BRD10: variants seen among roughly 807,000 people sequenced by gnomAD.
BRD10 encodes bromodomain containing 10.
chr9:6,008,297 C>A, the BRD10 span: 2 of 984,952 alleles, frequency 2.0e-6, no homozygotes, highest in Admixed American at 1.2e-4. Flanking sequence ...GGGACACGGG[C>A]AGAAGGAGGC....
the BRD10 span, chr9:5,920,522 T>C: frequency 3.0e-5 from 48 of 1,613,842 alleles, 1 homozygote; most frequent in Admixed American, 5.3e-4. Context: ...AGAAGCAAAA[T>C]TGGACGTATT....
At chr9:6,007,835 C>T in the BRD10 span, 6 of 1,395,984 alleles carry the variant, frequency 4.3e-6, no homozygotes, top group Non-Finnish European at 4.6e-6. Flanking sequence ...GCTCGAGGTG[C>T]TGGGGGACGC....
At chr9:5,961,049 T>G in the BRD10 span, among the ~76,000 whole-genome samples, 2 of 152,338 alleles carry the variant, frequency 1.3e-5, no homozygotes, top group African/African-American at 2.4e-5. Context: ...TAGTTACATC[T>G]AGGTGAACCA....
chr9:5,931,025 A>G, the BRD10 span, among the ~76,000 whole-genome samples: 1 of 152,218 alleles, frequency 6.6e-6, no homozygotes, highest in African/African-American at 2.4e-5. Context: ...AGTTAAAGAG[A>G]GAAGAAAGAG....
the BRD10 span, among the ~76,000 whole-genome samples, chr9:5,928,004 T>C: frequency 2.6e-5 from 4 of 152,186 alleles, no homozygotes; most frequent in Admixed American, 6.5e-5. Context: ...CTAAAGAGCA[T>C]ATCAAAGTTA....
the BRD10 span, among the ~76,000 whole-genome samples, chr9:5,932,247 A>C: frequency 6.6e-6 from 1 of 152,192 alleles, no homozygotes; most frequent in Non-Finnish European, 1.5e-5. Flanking sequence ...CTTTATTCAT[A>C]TACACGGACA....
chr9:5,976,370 A>C, the BRD10 span, among the ~76,000 whole-genome samples: 3 of 152,240 alleles, frequency 2.0e-5, no homozygotes. Context: ...TATTAACAAC[A>C]GGCAAAGTTT....
At chr9:5,988,237 CT>C in the BRD10 span, 2 of 741,150 alleles carry the variant, frequency 2.7e-6, no homozygotes, top group South Asian at 3.5e-5. Flanking sequence ...TGAATTCATA[CT>C]TTTGTAACAA....
chr9:5,957,443 C>T, the BRD10 span, among the ~76,000 whole-genome samples: 1 of 152,102 alleles, frequency 6.6e-6, no homozygotes, highest in Non-Finnish European at 1.5e-5. Context: ...TTAATCTTAA[C>T]AATACAGCCA....
At chr9:5,933,442 C>T in the BRD10 span, among the ~76,000 whole-genome samples, 2 of 152,118 alleles carry the variant, frequency 1.3e-5, no homozygotes, top group Admixed American at 6.6e-5. Flanking sequence ...TGAAGCTTAC[C>T]TTTCATGCTT....
At chr9:5,949,879 T>A in the BRD10 span, among the ~76,000 whole-genome samples, 1 of 152,174 alleles carries the variant, frequency 6.6e-6, no homozygotes, top group Non-Finnish European at 1.5e-5. Flanking sequence ...TGATATTCAC[T>A]TTTCAGTCTA....
At chr9:5,913,875 T>C in the BRD10 span, 43 of 305,726 alleles carry the variant, frequency 1.4e-4, no homozygotes, top group African/African-American at 9.2e-4. Context: ...AGCATCTTTG[T>C]AGTCTAAAAA....
At chr9:5,880,211 A>T in the BRD10 span, among the ~76,000 whole-genome samples, 2 of 150,928 alleles carry the variant, frequency 1.3e-5, no homozygotes, top group Non-Finnish European at 3.0e-5. Context: ...GAGCCATCAC[A>T]CCCCACCAGA....
At chr9:5,892,854 T>C in the BRD10 span, among the ~76,000 whole-genome samples, 1 of 152,148 alleles carries the variant, frequency 6.6e-6, no homozygotes, top group Non-Finnish European at 1.5e-5. Flanking sequence ...CTGTTCAGGA[T>C]CACAATGCCT....
chr9:5,921,192 C>T, the BRD10 span: 49 of 1,613,812 alleles, frequency 3.0e-5, no homozygotes, highest in Non-Finnish European at 3.7e-5. Flanking sequence ...TTTGGGGTTA[C>T]ATTTTGTAAT....
the BRD10 span, among the ~76,000 whole-genome samples, chr9:5,926,065 G>A: frequency 2.6e-5 from 4 of 151,884 alleles, no homozygotes; most frequent in East Asian, 1.9e-4. Context: ...TTACAGACAC[G>A]CGCCACCACA....
the BRD10 span, chr9:5,954,223 A>G: frequency 1.6e-6 from 1 of 614,872 alleles, no homozygotes; most frequent in East Asian, 2.8e-5. Flanking sequence ...TCAAATAAAA[A>G]TGATGAATCA....
chr9:5,977,856 A>G, the BRD10 span, among the ~76,000 whole-genome samples: 1 of 145,602 alleles, frequency 6.9e-6, no homozygotes, highest in Non-Finnish European at 1.5e-5. Context: ...AAAAATGCTG[A>G]AGTACATCAC....
the BRD10 span, among the ~76,000 whole-genome samples, chr9:6,001,363 A>C: frequency 6.6e-6 from 1 of 152,082 alleles, no homozygotes; most frequent in African/African-American, 2.4e-5. Context: ...CTAGATTCTA[A>C]ATTCCCTAGC....
Sources: allele counts gnomAD v4.1 joint callset (sites outside exome capture counted in the v4.1 genomes callset), GRCh38; gene constraint gnomAD v4.1.1; transcripts MANE v1.5; gene names NCBI Gene and HGNC (gene_info 2026-07-23, HGNC 2026-07-21).